The following LRRC42 variants were observed in gnomAD, a reference collection of about 807,000 sequenced individuals.
LRRC42 encodes the protein leucine-rich repeat-containing protein 42.
In LRRC42, 43 loss-of-function variants were observed where a neutral mutation model predicts 44.3. That is an observed-to-expected ratio of 0.97 (90% confidence interval 0.76 to 1.25). The LOEUF is 1.25. Ranked by LOEUF, LRRC42 falls within the 50% of genes most tolerant of loss-of-function variation. LRRC42 has a pLI of 0.00. For missense variants in LRRC42, 540 were observed against 509.1 expected (o/e 1.06, Z -0.58); for synonymous variants, 207 against 195.2 (o/e 1.06, Z -0.50).
Position 53,968,024 on chromosome 1 carries a change from A to C in LRRC42, c.*85A>C. ...CTGAGGATGATTTACTTTTTGTTTG[A>C]ATTTACCTATGGCATTAGCATAGTA... On this transcript the variant is annotated 3_prime_UTR_variant, in exon 9 of 9. Transcript: ENST00000371370. The C allele has an allele frequency of 1.4e-6, 2 of 1,424,918 alleles. No individual in the cohort carries two copies. The highest frequency in any genetic ancestry group is 1.9e-6 in the Non-Finnish European group (2 of 1,043,844). The allele number at this position is 1,424,918 out of a possible 1,614,324, so 88.3% of individuals were successfully genotyped here.
chr1:53,951,691 CTG>C (rs1440116329), intron 2 of LRRC42, among the ~76,000 whole-genome samples: 1 of 152,206 alleles, frequency 6.6e-6, no homozygotes, highest in Non-Finnish European at 1.5e-5. Context: ...TCCCAAAGTG[CTG>C]AGATTACAGG....
chr1:53,958,772 G>A (rs560032669), intron 4 of LRRC42, among the ~76,000 whole-genome samples: 8 of 152,134 alleles, frequency 5.3e-5, no homozygotes, highest in African/African-American at 1.9e-4. Flanking sequence ...TTTTAGTAGA[G>A]ACGGGGTTTC....
intron 4 of LRRC42, 22 bp from the exon 5 acceptor site, chr1:53,960,334 T>C (rs1015242967): frequency 3.3e-6 from 5 of 1,506,554 alleles, no homozygotes; most frequent in African/African-American, 1.4e-5. Flanking sequence ...GAGTAATTTA[T>C]GTATGTACTT....
At chr1:53,966,705 C>T (rs908413129) in intron 8 of LRRC42, among the ~76,000 whole-genome samples, 1 of 151,914 alleles carries the variant, frequency 6.6e-6, no homozygotes, top group African/African-American at 2.4e-5. Context: ...CCCAGGTGTC[C>T]CATCAACAGA....
chr1:53,956,289 G>A (rs922149554), intron 3 of LRRC42, among the ~76,000 whole-genome samples: 2 of 152,224 alleles, frequency 1.3e-5, no homozygotes, highest in Admixed American at 1.3e-4. Flanking sequence ...TCTCCCTTGT[G>A]TTGAAACCCC....
intron 8 of LRRC42, among the ~76,000 whole-genome samples, chr1:53,967,356 C>G (rs1040576656): frequency 6.6e-6 from 1 of 152,150 alleles, no homozygotes; most frequent in Non-Finnish European, 1.5e-5. Context: ...TCATATCACC[C>G]TTATGAAATA....
chr1:53,968,075 T>C lies in LRRC42; in HGVS notation c.*136T>C. The C allele has an allele frequency of 1.1e-6, 1 of 873,526 alleles. No homozygotes were observed. 54.1% of individuals were successfully genotyped at this position (873,526 alleles called of 1,614,324 possible). ...AGCAGATATTTCTACTTTTGTGGTG[T>C]GGGAGGGGAATGCTATGGAAGTATG... On this transcript the variant is annotated 3_prime_UTR_variant, in exon 9 of 9. Transcript: ENST00000371370.
intron 7 of LRRC42, among the ~76,000 whole-genome samples, chr1:53,964,946 A>G (rs1216420500): frequency 2.6e-5 from 4 of 151,636 alleles, no homozygotes; most frequent in African/African-American, 9.7e-5. Context: ...TCGGCCACCC[A>G]AAGTGCAAAG....
chr1:53,967,684 A>G lies in LRRC42; in HGVS notation c.1032A>G (p.Ala344=). ...TCACAGATGGGAAGCGGTCTCGAGC[A>G]GAAGCCCCACTGAAGTGTCCCCTGG... ...AQRFYGKRSR[A]EAPLKCPLAD... Residue 344 remains alanine (A), a synonymous_variant, in exon 9 of 9, where the codon GCA becomes GCG. Transcript: ENST00000371370. The G allele has an allele frequency of 6.2e-7, 1 of 1,614,146 alleles. No individual in the cohort carries two copies. Among genetic ancestry groups the G allele is most frequent in the Non-Finnish European group, 8.5e-7 (1 of 1,179,992 alleles).
At chr1:53,966,723 A>G (rs772880839) in intron 8 of LRRC42, among the ~76,000 whole-genome samples, 1 of 152,150 alleles carries the variant, frequency 6.6e-6, no homozygotes, top group Non-Finnish European at 1.5e-5. Context: ...AGATAAATGG[A>G]TAAACAAAAT....
chr1:53,958,498 CTT>C (rs951342853), intron 4 of LRRC42, among the ~76,000 whole-genome samples: 4 of 152,180 alleles, frequency 2.6e-5, no homozygotes, highest in African/African-American at 4.8e-5. Flanking sequence ...TTAGTTGACT[CTT>C]TTTTTCTAAG....
intron 8 of LRRC42, among the ~76,000 whole-genome samples, chr1:53,967,215 G>C (rs1655150998): frequency 6.6e-6 from 1 of 152,164 alleles, no homozygotes; most frequent in Non-Finnish European, 1.5e-5. Context: ...ATGTAAAATA[G>C]GTTGTATCAT....
At chr1:53,953,013 T>A (rs1238372821) in intron 3 of LRRC42, among the ~76,000 whole-genome samples, 2 of 152,246 alleles carry the variant, frequency 1.3e-5, no homozygotes, top group Non-Finnish European at 1.5e-5. Flanking sequence ...ATATGCTTTA[T>A]TTAAAATTTT....
intron 8 of LRRC42, 105 bp downstream of exon 8, chr1:53,966,485 T>C: frequency 1.4e-6 from 1 of 737,226 alleles, no homozygotes; most frequent in Non-Finnish European, 2.4e-6. Context: ...TAGTATTGGC[T>C]TATTTATGAT....
At chr1:53,949,661 G>A (rs1654619443) in intron 2 of LRRC42, among the ~76,000 whole-genome samples, 1 of 152,204 alleles carries the variant, frequency 6.6e-6, no homozygotes. Context: ...TTAGCAGCAG[G>A]GGCTGTAAAT....
chr1:53,951,812 A>G (rs1332177471), intron 2 of LRRC42, among the ~76,000 whole-genome samples, 174 bp from the exon 3 acceptor site: 1 of 152,218 alleles, frequency 6.6e-6, no homozygotes, highest in East Asian at 1.9e-4. Flanking sequence ...GGTAGCGGCA[A>G]TAGAGGCAAC....
In LRRC42 at chr1:53,962,332, A is replaced by C. The variant is rs1655019159; in HGVS notation, c.850A>C (p.Ile284Leu). 16 of 1,613,826 alleles carry C rather than the reference A, an allele frequency of 9.9e-6. No homozygotes were observed. The highest frequency in any genetic ancestry group is 1.4e-5 in the Non-Finnish European group (16 of 1,179,780). The change falls in exon 7 of 9, where the codon ATA becomes CTA. Residue 284 changes from isoleucine to leucine, a missense_variant. Coordinates refer to ENST00000371370, the MANE Select transcript of LRRC42 (RefSeq NM_001256409.2). ...CGTCAAGCACAAGCTCCAGACCCAC[A>C]TAGGCCTTGTTCACTCCAAAGTGCC... ...KTVKHKLQTHIGLVHSKVPLK... is the reference protein window; with the variant it reads ...KTVKHKLQTHLGLVHSKVPLK...
At position 53,967,664 on chromosome 1, in the gene LRRC42, G is replaced by C. The variant is rs1337700849; in HGVS notation, c.1013-1G>C. The C allele has an allele frequency of 5.0e-6, 8 of 1,613,540 alleles. No homozygotes were observed. Among genetic ancestry groups the C allele is most frequent in the Non-Finnish European group, 1.7e-6 (2 of 1,179,726 alleles). On this transcript the variant is annotated splice_acceptor_variant, in intron 8 of 8. Transcript: ENST00000371370. LOFTEE classifies it high-confidence loss of function. ...CTCATCATCCCTCCCTTCTGTCACA[G>C]ATGGGAAGCGGTCTCGAGCAGAAGC... is the stretch of plus-strand genomic sequence containing the variant.
intron 7 of LRRC42, among the ~76,000 whole-genome samples, chr1:53,965,466 A>G (rs1027212675): frequency 1.3e-5 from 2 of 150,636 alleles, no homozygotes; most frequent in Admixed American, 6.6e-5. Context: ...ATATTCAGGC[A>G]TATTTCTTTT....
Sources: gnomAD v4.1 joint callset for allele counts (sites outside exome capture counted in the v4.1 genomes callset) on GRCh38, gnomAD v4.1.1 for gene constraint, MANE v1.5 for transcripts, NCBI Gene and HGNC (gene_info 2026-07-23, HGNC 2026-07-21) for gene names.